Variants in SLC2A5 observed in about 807,000 individuals in gnomAD.
SLC2A5 encodes solute carrier family 2 member 5.
SLC2A5 carries 56 observed loss-of-function variants against 50.3 expected under a neutral mutation model. That is an observed-to-expected ratio of 1.11 (90% CI 0.90 to 1.39). SLC2A5 has a LOEUF of 1.39. Among genes scored for constraint, SLC2A5 ranks in the 40% most tolerant of loss-of-function variants. The pLI is 0.00. For missense variants in SLC2A5, 566 were observed against 650.1 expected, an observed-to-expected ratio of 0.87 and a Z score of 1.41; for synonymous variants, 269 against 281.9, an observed-to-expected ratio of 0.95 and a Z score of 0.46.
Position 9,038,524 on chromosome 1 carries a change from T to G in SLC2A5, c.1099-18A>C, listed in dbSNP as rs759850935. The G allele has an allele frequency of 9.4e-6, 15 of 1,603,586 alleles. No individual in the cohort carries two copies. The highest frequency in any genetic ancestry group is 8.5e-7 in the Non-Finnish European group (1 of 1,171,394). On this transcript the variant is annotated intron_variant, in intron 9 of 11. Coordinates refer to ENST00000377424, the MANE Select transcript of SLC2A5 (RefSeq NM_003039.3). ...ACTGTGTCCTGTGGAGAGAAAGCAGTTGGTTCACCTGGAGCAGACAAGCTA... is the reference window on the plus strand; with the variant it reads ...ACTGTGTCCTGTGGAGAGAAAGCAGGTGGTTCACCTGGAGCAGACAAGCTA...
intron 3 of SLC2A5, among the ~76,000 whole-genome samples, chr1:9,050,133 C>G (rs896061444): frequency 2.6e-5 from 4 of 151,946 alleles, no homozygotes; most frequent in Non-Finnish European, 5.9e-5. Flanking sequence ...AAAAATTAGC[C>G]GGGTATGGTG....
intron 2 of SLC2A5, among the ~76,000 whole-genome samples, chr1:9,074,963 A>C (rs1168644415): frequency 6.6e-6 from 1 of 152,072 alleles, no homozygotes; most frequent in African/African-American, 2.4e-5. Flanking sequence ...TTCAGGCTGC[A>C]GTGAGATGTG....
chr1:9,054,187 G>A (rs1371960896), intron 3 of SLC2A5, among the ~76,000 whole-genome samples: 2 of 152,084 alleles, frequency 1.3e-5, no homozygotes, highest in African/African-American at 4.8e-5. Flanking sequence ...TAGAGATATT[G>A]GCTGAAAAAG....
At chr1:9,062,092 C>T (rs576845587) in intron 1 of SLC2A5, among the ~76,000 whole-genome samples, 133 of 152,236 alleles carry the variant, frequency 8.7e-4, no homozygotes, top group Non-Finnish European at 1.5e-3. Flanking sequence ...GGTGGGTTCT[C>T]GCTAACCCTG....
rs1321768778 is a variant in SLC2A5, at chr1:9,039,979, T to C, written c.706A>G (p.Thr236Ala). The C allele has an allele frequency of 6.2e-7, 1 of 1,608,910 alleles. No individual in the cohort carries two copies. Among genetic ancestry groups the C allele is most frequent in the Non-Finnish European group, 8.5e-7 (1 of 1,176,926 alleles). The change falls in exon 7 of 12, where the codon ACG (threonine) becomes GCG (alanine). Residue 236 changes from threonine (T) to alanine (A), a missense_variant. Thr to Ala is a moderately conservative substitution (Grantham distance 58, BLOSUM62 0). Transcript: ENST00000377424. ...DEAAAKKALQ[T>A]LRGWDSVDRE... Reference sequence around the variant, plus strand: ...TCCACAGAGTCCCAGCCGCGCAGCGTCTGTAGGGCTGGGGAGAAGCGGCAC... The same window carrying C: ...TCCACAGAGTCCCAGCCGCGCAGCGCCTGTAGGGCTGGGGAGAAGCGGCAC...
chr1:9,066,761 A>C (rs1305967186), intron 1 of SLC2A5, among the ~76,000 whole-genome samples: 1 of 151,744 alleles, frequency 6.6e-6, no homozygotes, highest in East Asian at 2.0e-4. Flanking sequence ...CAGAAGGCAC[A>C]CTTGAGCCCA....
At chr1:9,081,458 C>T (rs1300071893) in intron 2 of SLC2A5, among the ~76,000 whole-genome samples, 25 of 129,022 alleles carry the variant, frequency 1.9e-4, no homozygotes, top group African/African-American at 7.2e-4. Context: ...TGGAGGTAGA[C>T]TCCTTCTCTT....
the SLC2A5 span, among the ~76,000 whole-genome samples, chr1:9,093,943 T>C: frequency 3.5e-3 from 537 of 152,248 alleles, 5 homozygotes; most frequent in African/African-American, 0.013. Context: ...CCAGGGCAGA[T>C]CAGGCCAACA....
chr1:9,040,517 T>G lies in SLC2A5; in HGVS notation c.572-328A>C. 3.6e-6 allele frequency: 1 copy of G among 280,196 alleles called. No individual in the cohort carries two copies. The highest frequency in any genetic ancestry group is 6.8e-6 in the Non-Finnish European group (1 of 146,500). 17.4% of individuals were successfully genotyped at this position (280,196 alleles called of 1,614,324 possible). A position where few individuals can be genotyped will look rare whatever the true frequency, so the allele number is the denominator to read the frequency against. ...CTGGGCATACCCGGCCTGACCCAAC[T>G]GCCCACTCCCAGCTCTATGCCCAGA... On this transcript the variant is annotated intron_variant, in intron 5 of 11. Transcript: ENST00000377424. This position sits in a 1 kb window ranked among gnomAD's most constrained non-coding sequence, Gnocchi z 4.3.
intron 4 of SLC2A5, 30 bp from the exon 5 acceptor site, chr1:9,041,967 A>T (rs1488577523): frequency 6.5e-7 from 1 of 1,547,248 alleles, no homozygotes; most frequent in South Asian, 1.2e-5. Flanking sequence ...AAACACCATC[A>T]GAAAAAATTA....
upstream of SLC2A5, chr1:9,072,338 G>C (rs1642229420): frequency 6.6e-6 from 1 of 152,320 alleles, no homozygotes; most frequent in South Asian, 2.1e-4. Context: ...CCAGGAATTC[G>C]ATCATGCCAC....
intron 3 of SLC2A5, among the ~76,000 whole-genome samples, chr1:9,055,512 A>C (rs1412924698): frequency 6.6e-6 from 1 of 151,938 alleles, no homozygotes; most frequent in Non-Finnish European, 1.5e-5. Context: ...GCGAGACTCC[A>C]TCTCAAAAAT....
At chr1:9,088,885 C>T (rs926274469), upstream of SLC2A5, among the ~76,000 whole-genome samples, 4 of 152,200 alleles carry the variant, frequency 2.6e-5, no homozygotes, top group Non-Finnish European at 4.4e-5. Context: ...GCATCCCTTG[C>T]GCTCATGTCT....
chr1:9,075,515 TACTCCCGTGCCACTG>T (rs1012019322), intron 2 of SLC2A5, among the ~76,000 whole-genome samples: 1 of 152,202 alleles, frequency 6.6e-6, no homozygotes, highest in Non-Finnish European at 1.5e-5. Flanking sequence ...TAAATTCTTT[TACTCCCGTGCCACTG>T]GCCCAGACAG....
intron 4 of SLC2A5, among the ~76,000 whole-genome samples, chr1:9,042,604 T>C (rs980130384): frequency 6.7e-6 from 1 of 150,326 alleles, no homozygotes; most frequent in Non-Finnish European, 1.5e-5. Flanking sequence ...TGTGTGTGTG[T>C]GTGTGTGTAT....
chr1:9,091,565 A>G (rs1375306698), upstream of SLC2A5, among the ~76,000 whole-genome samples: 1 of 152,014 alleles, frequency 6.6e-6, no homozygotes, highest in Non-Finnish European at 1.5e-5. Flanking sequence ...TGCAAGCCCT[A>G]TATTCAACTC....
chr1:9,055,602 T>C (rs1641730799), intron 3 of SLC2A5, among the ~76,000 whole-genome samples: 1 of 152,032 alleles, frequency 6.6e-6, no homozygotes, highest in Admixed American at 6.6e-5. Context: ...AGGAACTCAT[T>C]AATAAAAGTT....
At chr1:9,056,972 ATCT>A (rs1164860776) in intron 3 of SLC2A5, among the ~76,000 whole-genome samples, 1 of 152,130 alleles carries the variant, frequency 6.6e-6, no homozygotes, top group Non-Finnish European at 1.5e-5. Context: ...TCAATGTCTG[ATCT>A]TCTTTTCTGA....
intron 2 of SLC2A5, 141 bp downstream of exon 2, chr1:9,058,011 T>C (rs1301233218): frequency 3.1e-6 from 2 of 655,258 alleles, no homozygotes; most frequent in Non-Finnish European, 5.5e-6. Context: ...TTCCCTCGGG[T>C]CTGTGCTGTG....
Sources: allele counts gnomAD v4.1 joint callset (sites outside exome capture counted in the v4.1 genomes callset), GRCh38; gene constraint gnomAD v4.1.1; non-coding constraint Gnocchi (gnomAD v3.1); transcripts MANE v1.5; gene names NCBI Gene and HGNC (gene_info 2026-07-23, HGNC 2026-07-21).